The following PCDH9 variants were observed in gnomAD, a reference collection of about 807,000 sequenced individuals.
The protein encoded by PCDH9 is protocadherin-9.
In PCDH9, 24 loss-of-function variants were observed where a neutral mutation model predicts 70.6. That is an observed-to-expected ratio of 0.34 (90% CI 0.25 to 0.48). PCDH9 has a LOEUF of 0.48. Ranked by LOEUF, PCDH9 falls within the 20% of genes least tolerant of loss-of-function variation. The pLI is 0.99. For synonymous variants in PCDH9, 562 were observed against 558.5 expected (o/e 1.01, Z -0.09); for missense variants, 1,281 against 1,503.6 (o/e 0.85, Z 2.45).
At chr13:66,608,266 A>T (rs374187679) in intron 4 of PCDH9, among the ~76,000 whole-genome samples, 6 of 152,188 alleles carry the variant, frequency 3.9e-5, no homozygotes, top group African/African-American at 1.4e-4. Flanking sequence ...TAGATTTAAG[A>T]TTATACTTTC....
intron 2 of PCDH9, among the ~76,000 whole-genome samples, chr13:67,008,725 A>G (rs1201382308): frequency 2.6e-5 from 4 of 152,092 alleles, no homozygotes; most frequent in African/African-American, 7.2e-5. Context: ...TGTAGCAATT[A>G]TATCTGGTCA....
At chr13:67,151,292 G>T (rs909651422) in intron 2 of PCDH9, among the ~76,000 whole-genome samples, 1 of 152,128 alleles carries the variant, frequency 6.6e-6, no homozygotes, top group East Asian at 1.9e-4. Context: ...GATAAGTAGG[G>T]ATGGAATTGT....
At chr13:66,770,015 A>C (rs1408762829) in intron 3 of PCDH9, among the ~76,000 whole-genome samples, 1 of 152,182 alleles carries the variant, frequency 6.6e-6, no homozygotes, top group Non-Finnish European at 1.5e-5. Flanking sequence ...CTTTAAAAAC[A>C]AACCTCTATT....
chr13:67,142,588 C>T (rs1035313156), intron 2 of PCDH9, among the ~76,000 whole-genome samples: 3 of 151,888 alleles, frequency 2.0e-5, no homozygotes, highest in African/African-American at 7.3e-5. Flanking sequence ...GCAAAGACAA[C>T]CTTTGAGAGT....
At chr13:67,004,564 A>AAAAAAG (rs1391505734) in intron 2 of PCDH9, among the ~76,000 whole-genome samples, 6 of 148,200 alleles carry the variant, frequency 4.0e-5, no homozygotes, top group African/African-American at 9.8e-5. Context: ...AAAAAAAAAA[A>AAAAAAG]AAAGAAAGAA....
chr13:66,489,986 C>A (rs1594058615), intron 4 of PCDH9, among the ~76,000 whole-genome samples: 1 of 152,096 alleles, frequency 6.6e-6, no homozygotes, highest in Non-Finnish European at 1.5e-5. Context: ...AGAAATACTT[C>A]TTTTTCTATT....
intron 4 of PCDH9, among the ~76,000 whole-genome samples, chr13:66,440,321 G>T (rs923609550): frequency 2.0e-5 from 3 of 151,966 alleles, no homozygotes; most frequent in Non-Finnish European, 4.4e-5. Context: ...TGCTACTTTT[G>T]TTTATAAGGG....
chr13:66,768,858 C>T (rs928049190), intron 3 of PCDH9, among the ~76,000 whole-genome samples: 7 of 151,848 alleles, frequency 4.6e-5, no homozygotes, highest in African/African-American at 1.7e-4. Context: ...AAATTAATAT[C>T]ATTAAAATTA....
intron 2 of PCDH9, among the ~76,000 whole-genome samples, chr13:67,154,562 G>A (rs571519427): frequency 1.7e-5 from 2 of 114,850 alleles, no homozygotes; most frequent in Non-Finnish European, 3.3e-5. Flanking sequence ...GGAAACAGAC[G>A]GAGACCCTGT....
chr13:66,710,803 A>G (rs2078782094), intron 3 of PCDH9, among the ~76,000 whole-genome samples: 1 of 151,832 alleles, frequency 6.6e-6, no homozygotes, highest in Non-Finnish European at 1.5e-5. Context: ...TCATTGGCTC[A>G]TGAGTCTTTC....
intron 3 of PCDH9, among the ~76,000 whole-genome samples, chr13:66,869,367 T>A (rs1238539391): frequency 6.6e-6 from 1 of 152,180 alleles, no homozygotes; most frequent in Non-Finnish European, 1.5e-5. Flanking sequence ...TGTATTTATT[T>A]GTTTTATTTT....
intron 4 of PCDH9, among the ~76,000 whole-genome samples, chr13:66,527,135 TG>T (rs61588591): frequency 0.24 from 36,808 of 152,082 alleles, 4,869 homozygotes; most frequent in East Asian, 0.34. Context: ...GTACATTCCT[TG>T]GGGGAAGATA....
chr13:66,368,570 C>T (rs563464066), intron 4 of PCDH9, among the ~76,000 whole-genome samples: 31 of 150,584 alleles, frequency 2.1e-4, no homozygotes, highest in African/African-American at 4.7e-4. Flanking sequence ...TATGTATATT[C>T]GTGTATATAT....
intron 4 of PCDH9, among the ~76,000 whole-genome samples, chr13:66,456,129 C>T (rs1425555658): frequency 6.6e-6 from 1 of 152,052 alleles, no homozygotes; most frequent in Non-Finnish European, 1.5e-5. Flanking sequence ...AAATTAAATG[C>T]TTTTTATCTG....
intron 4 of PCDH9, among the ~76,000 whole-genome samples, chr13:66,613,703 G>C (rs984461990): frequency 6.6e-6 from 1 of 152,152 alleles, no homozygotes; most frequent in African/African-American, 2.4e-5. Flanking sequence ...TCCACCCAGC[G>C]ACTGGGTTTT....
chr13:66,512,801 T>C (rs575504501), intron 4 of PCDH9, among the ~76,000 whole-genome samples: 1 of 152,094 alleles, frequency 6.6e-6, no homozygotes, highest in South Asian at 2.1e-4. Flanking sequence ...TCTTTTCTCT[T>C]TTCTTTCTTT....
intron 3 of PCDH9, among the ~76,000 whole-genome samples, chr13:66,819,779 CCAGCTACT>C (rs1231491444): frequency 6.6e-6 from 1 of 152,070 alleles, no homozygotes; most frequent in African/African-American, 2.4e-5. Flanking sequence ...GCCTCTGGTC[CCAGCTACT>C]CAGGAGGCTG....
At chr13:66,345,408 A>G (rs1338186822) in intron 4 of PCDH9, among the ~76,000 whole-genome samples, 3 of 152,082 alleles carry the variant, frequency 2.0e-5, no homozygotes, top group Non-Finnish European at 1.5e-5. Context: ...GTGTTTTATC[A>G]GGCAGGGTTG....
chr13:66,907,301 T>C (rs1250509676), intron 2 of PCDH9, among the ~76,000 whole-genome samples: 2 of 152,220 alleles, frequency 1.3e-5, no homozygotes, highest in South Asian at 2.1e-4. Flanking sequence ...TATTGAATTA[T>C]GGGTAAGATG....
Sources: allele counts gnomAD v4.1 joint callset (sites outside exome capture counted in the v4.1 genomes callset), GRCh38; gene constraint gnomAD v4.1.1; transcripts MANE v1.5; gene names NCBI Gene and HGNC (gene_info 2026-07-23, HGNC 2026-07-21).